Variants in DMD observed in about 807,000 individuals in gnomAD.
DMD encodes mutant dystrophin.
A neutral mutation model predicts 330.1 loss-of-function variants in DMD; 63 were observed. That is an observed-to-expected ratio of 0.19 (90% CI 0.16 to 0.24). The LOEUF (loss-of-function observed/expected upper bound fraction) is 0.24. Among genes scored for constraint, DMD ranks in the 10% least tolerant of loss-of-function variants. The probability of loss-of-function intolerance (pLI) is 1.00; values close to 1 mark genes in which losing one functional copy is unlikely to be tolerated. For missense variants in DMD, 3,344 were observed against 2,684.1 expected (o/e 1.25, Z -5.43); for synonymous variants, 1,223 against 959.8 (o/e 1.27, Z -5.07).
At chrX:32,664,819 G>A (rs1808492775) in intron 9 of DMD, among the ~76,000 whole-genome samples, 1 of 111,984 alleles carries the variant, frequency 8.9e-6, no homozygotes. Flanking sequence ...TCAACTTACA[G>A]ACAGTATTTG....
At chrX:33,128,303 A>C (rs1394757012) in intron 1 of DMD, 1 of 1,043,202 alleles carries the variant, frequency 9.6e-7, no homozygotes, top group Non-Finnish European at 1.2e-6. Context: ...CAGATAAAGC[A>C]GGCACAGAAT....
intron 2 of DMD, among the ~76,000 whole-genome samples, chrX:32,999,777 AAAACAAAAACAAAAAC>A (rs2093225937): frequency 2.0e-5 from 2 of 99,638 alleles, no homozygotes; most frequent in African/African-American, 7.5e-5. Flanking sequence ...CTCCATCTCA[AAAACAAAAACAAAAAC>A]AAAAACAAAA....
intron 1 of DMD, among the ~76,000 whole-genome samples, chrX:33,072,685 A>G (rs748552868): frequency 9.0e-6 from 1 of 111,639 alleles, no homozygotes; most frequent in Non-Finnish European, 1.9e-5. Flanking sequence ...TGAGGTAACC[A>G]GCCAGGCTAC....
chrX:32,181,292 T>C (rs1475796117), intron 44 of DMD, among the ~76,000 whole-genome samples: 1 of 111,796 alleles, frequency 8.9e-6, no homozygotes, highest in Non-Finnish European at 1.9e-5. Context: ...GAGGAAGCTG[T>C]TGTTCTTTAA....
rs560592290 is a variant in DMD at position 33,055,528 on chromosome X, G to C, written c.32-35328C>G. Among the ~76,000 whole-genome samples the C allele has an allele frequency of 8.1e-5, 9 of 111,743 alleles. No individual in the cohort carries two copies. In the East Asian group the frequency reaches 1.1e-3, roughly 14 times the overall value. On this transcript the variant is annotated intron_variant, in intron 1 of 78. Coordinates refer to ENST00000357033, the MANE Select transcript of DMD (RefSeq NM_004006.3). ...TTAAACCTGACACAAATGCCTGAAC[G>C]CAAGAAAAAAAATTAAAGGGTTTCT... is the stretch of plus-strand genomic sequence containing the variant.
At chrX:33,223,253 G>A (rs1370395612) in intron 1 of DMD, among the ~76,000 whole-genome samples, 1 of 112,102 alleles carries the variant, frequency 8.9e-6, no homozygotes, top group Non-Finnish European at 1.9e-5. Flanking sequence ...GGAGATTGCA[G>A]TGAGCCGAGA....
At chrX:31,843,558 A>G (rs2093355530) in intron 48 of DMD, among the ~76,000 whole-genome samples, 1 of 111,481 alleles carries the variant, frequency 9.0e-6, no homozygotes, top group African/African-American at 3.3e-5. Flanking sequence ...CACTTTTTAC[A>G]TGGGGTTATC....
intron 44 of DMD, among the ~76,000 whole-genome samples, chrX:32,047,308 A>G (rs1010699113): frequency 1.8e-5 from 2 of 111,615 alleles, no homozygotes; most frequent in Admixed American, 1.9e-4. Context: ...AGAAAGAGAA[A>G]GATAGAAACA....
intron 49 of DMD, among the ~76,000 whole-genome samples, chrX:31,824,733 T>G (rs886425030): frequency 9.0e-6 from 1 of 111,392 alleles, no homozygotes; most frequent in African/African-American, 3.2e-5. Flanking sequence ...GCTAATCGGT[T>G]ATTAAACATA....
chrX:32,879,781 T>G (rs2149194855), intron 2 of DMD, among the ~76,000 whole-genome samples: 1 of 111,418 alleles, frequency 9.0e-6, no homozygotes, highest in East Asian at 2.8e-4. Flanking sequence ...AATCTCTACT[T>G]CCATTCCCTC....
chrX:31,321,145 T>A (rs1251779925), intron 62 of DMD, among the ~76,000 whole-genome samples: 1 of 112,127 alleles, frequency 8.9e-6, no homozygotes, highest in African/African-American at 3.2e-5. Flanking sequence ...TAATGAATTT[T>A]AAAAATAAAG....
At chrX:32,335,991 CG>C (rs201677522) in intron 41 of DMD, among the ~76,000 whole-genome samples, 104 of 31,441 alleles carry the variant, frequency 3.3e-3, no homozygotes, top group African/African-American at 5.8e-3. Flanking sequence ...TTATATATAA[CG>C]TGTATATATA....
chrX:31,321,884 A>G (rs933672434), intron 62 of DMD, among the ~76,000 whole-genome samples: 1 of 111,037 alleles, frequency 9.0e-6, no homozygotes, highest in Admixed American at 9.6e-5. Context: ...TCTCTTTATT[A>G]TTTTTTGGAC....
rs2404956 is a variant in DMD, at chrX:31,684,585, C to T, written c.7661-4999G>A. 1.5e-4 allele frequency among the ~76,000 whole-genome samples: 17 copies of T among 111,892 alleles called. No individual in the cohort carries two copies. In the Admixed American group the frequency reaches 1.6e-3, roughly 11 times the overall value. On this transcript the variant is annotated intron_variant, in intron 52 of 78. Coordinates refer to ENST00000357033, the MANE Select transcript of DMD (RefSeq NM_004006.3). The stretch of plus-strand genomic sequence containing the variant: ...AGGTCAATCAGAACCAATGAAACAA[C>T]TCTAGGATTTTTGTTGTTGTTGTTG...
chrX:32,152,271 G>A (rs184962301), intron 44 of DMD, among the ~76,000 whole-genome samples: 22 of 111,315 alleles, frequency 2.0e-4, no homozygotes, highest in Non-Finnish European at 4.0e-4. Flanking sequence ...TTAAAGATGG[G>A]GGGTGGGCGT....
intron 11 of DMD, among the ~76,000 whole-genome samples, chrX:32,618,839 G>C (rs1036979022): frequency 7.2e-5 from 8 of 110,849 alleles, no homozygotes; most frequent in African/African-American, 2.6e-4. Flanking sequence ...TTAAAAAAAA[G>C]AAAACCTTTA....
At chrX:33,286,698 T>A (rs1310218448) in intron 1 of DMD, among the ~76,000 whole-genome samples, 1 of 112,104 alleles carries the variant, frequency 8.9e-6, no homozygotes, top group African/African-American at 3.2e-5. Context: ...GCATCCTTCA[T>A]TGAGCTAATG....
chrX:32,946,167 A>G (rs2090790281), intron 2 of DMD, among the ~76,000 whole-genome samples: 1 of 111,526 alleles, frequency 9.0e-6, no homozygotes, highest in African/African-American at 3.2e-5. Context: ...TCAAATGTTT[A>G]GTTCTCTTAT....
At chrX:31,673,306 C>A (rs1409245010) in intron 53 of DMD, among the ~76,000 whole-genome samples, 1 of 112,078 alleles carries the variant, frequency 8.9e-6, no homozygotes, top group Non-Finnish European at 1.9e-5. Flanking sequence ...TTGGTTAATT[C>A]CCAGGGTTCA....
Sources: gnomAD v4.1 joint callset for allele counts (sites outside exome capture counted in the v4.1 genomes callset) on GRCh38, gnomAD v4.1.1 for gene constraint, MANE v1.5 for transcripts, NCBI Gene and HGNC (gene_info 2026-07-23, HGNC 2026-07-21) for gene names.